Variants in DMXL1 observed in about 807,000 individuals in gnomAD.
DMXL1 encodes the protein dmX-like protein 1.
In DMXL1, 99 loss-of-function variants were observed where a neutral mutation model predicts 319.2. The ratio of observed to expected loss-of-function variants is 0.31; its 90% CI spans 0.26 to 0.37. The LOEUF (loss-of-function observed/expected upper bound fraction) is 0.37, where lower values mean the gene tolerates loss of function less well. DMXL1 is among the 10% of genes least tolerant of loss of function. The pLI is 1.00. For missense variants in DMXL1, 3,745 were observed against 3,595.6 expected (o/e 1.04, Z -1.06); for synonymous variants, 1,385 against 1,235.2 (o/e 1.12, Z -2.54).
intron 1 of DMXL1, among the ~76,000 whole-genome samples, chr5:119,089,885 C>G (rs181234025): frequency 6.6e-6 from 1 of 151,652 alleles, no homozygotes; most frequent in African/African-American, 2.4e-5. Flanking sequence ...CTTGGCCTCC[C>G]GAAGTGCTGG....
chr5:119,141,111 A>T (rs1167924278), intron 13 of DMXL1, among the ~76,000 whole-genome samples: 1 of 152,210 alleles, frequency 6.6e-6, no homozygotes, highest in Non-Finnish European at 1.5e-5. Flanking sequence ...ACCTCAGAAT[A>T]ATAAGAGCTA....
At chr5:119,132,572 T>C in intron 10 of DMXL1, 2 of 268,222 alleles carry the variant, frequency 7.5e-6, no homozygotes, top group Non-Finnish European at 1.5e-5. Flanking sequence ...CCCAGCTACT[T>C]GGGAGGCTGA....
intron 1 of DMXL1, 38 bp downstream of exon 1, chr5:119,071,694 C>T: frequency 6.5e-7 from 1 of 1,542,686 alleles, no homozygotes; most frequent in South Asian, 1.2e-5. Flanking sequence ...CGTGGCCCGG[C>T]CTTTGCCCGT....
chr5:119,122,149 C>T (rs1441162664), intron 9 of DMXL1, among the ~76,000 whole-genome samples: 1 of 138,110 alleles, frequency 7.2e-6, no homozygotes, highest in Admixed American at 7.0e-5. Context: ...GACCCCCCCA[C>T]CTCCCTCCCA....
In DMXL1 at chr5:119,171,055, C is replaced by T. The variant is rs1170726826; in HGVS notation, c.6264C>T (p.Gly2088=). The T allele has an allele frequency of 6.2e-7, 1 of 1,613,572 alleles. No homozygotes were observed. Among genetic ancestry groups the T allele is most frequent in the East Asian group, 2.2e-5 (1 of 44,870 alleles). ...SDAEELQSAF[G]RNEDEFGLNE... ...CTGAAGAACTACAGTCTGCATTTGG[C>T]AGAAATGAAGATGAATTTGGATTAA... The change falls in exon 24 of 44, where the codon GGC becomes GGT. Residue 2088 remains glycine (G), a synonymous_variant. Transcript: ENST00000539542.
At chr5:119,136,991 C>T (rs1484908228) in intron 13 of DMXL1, among the ~76,000 whole-genome samples, 3 of 152,152 alleles carry the variant, frequency 2.0e-5, no homozygotes, top group African/African-American at 7.2e-5. Flanking sequence ...CTCCAGACCC[C>T]AAAAAGGTAG....
At chr5:119,100,031 A>G (rs997182444) in intron 2 of DMXL1, among the ~76,000 whole-genome samples, 4 of 152,078 alleles carry the variant, frequency 2.6e-5, no homozygotes, top group African/African-American at 9.7e-5. Context: ...GGAATTAAGA[A>G]GTCATTTGGT....
At position 119,084,820 on chromosome 5, in the gene DMXL1, C is replaced by T. The variant is rs374883967; in HGVS notation, c.88-13159C>T. ...TGGAGGTTGTGGTGAGCCAAGATCA[C>T]GCCATTGCACTCCACCCTGGGCAAC... On this transcript the variant is annotated intron_variant, in intron 1 of 43. Transcript: ENST00000539542. 2.7e-4 allele frequency among the ~76,000 whole-genome samples: 40 copies of T among 149,964 alleles called. 1 individual carries two copies. Among genetic ancestry groups the T allele is most frequent in the African/African-American group, 8.9e-4 (36 of 40,628 alleles).
At chr5:119,147,217 TC>T in intron 16 of DMXL1, 31 bp from the exon 17 acceptor site, 1 of 1,575,442 alleles carries the variant, frequency 6.3e-7, no homozygotes, top group Non-Finnish European at 8.7e-7. Context: ...TTCCCCTGCC[TC>T]AGTTTTTGGT....
At position 119,106,039 on chromosome 5, in the gene DMXL1, C is replaced by G. The variant is rs899444683; in HGVS notation, c.364+781C>G. The stretch of plus-strand genomic sequence containing the variant: ...TATGATTCTTTTGGTCAGGAAGACT[C>G]TGTGGGAATGGCTTGTCTATTGTTC... On this transcript the variant is annotated intron_variant, in intron 4 of 43. Transcript: ENST00000539542. Among the ~76,000 whole-genome samples, 3 of 152,114 alleles carry G rather than the reference C, an allele frequency of 2.0e-5. No individual in the cohort carries two copies. The East Asian group carries it at 5.8e-4, about 29-fold the overall frequency.
At chr5:119,185,394 T>C (rs1445311642) in intron 28 of DMXL1, among the ~76,000 whole-genome samples, 1 of 152,170 alleles carries the variant, frequency 6.6e-6, no homozygotes, top group Non-Finnish European at 1.5e-5. Context: ...TTTTTATAGA[T>C]ATTTATGGAG....
At chr5:119,120,424 A>G (rs991248710) in intron 8 of DMXL1, among the ~76,000 whole-genome samples, 8 of 152,250 alleles carry the variant, frequency 5.3e-5, no homozygotes, top group African/African-American at 1.4e-4. Context: ...TCTTAGCTAG[A>G]TGATCTTGGG....
rs1769160266 is a variant in DMXL1, at chr5:119,148,871, G to C, written c.3044G>C (p.Gly1015Ala). 6.2e-7 allele frequency: 1 copy of C among 1,613,654 alleles called. No individual in the cohort carries two copies. The highest frequency in any genetic ancestry group is 1.3e-5 in the African/African-American group (1 of 74,894). ...TDGESATSKNGKIDLAYIWEE... is the reference protein window; with the variant it reads ...TDGESATSKNAKIDLAYIWEE... Reference sequence around the variant, plus strand: ...GGAGAATCTGCCACGTCAAAGAATGGAAAAATTGATCTTGCATACATTTGG... The same window carrying C: ...GGAGAATCTGCCACGTCAAAGAATGCAAAAATTGATCTTGCATACATTTGG... The change falls in exon 18 of 44, where the codon GGA becomes GCA. Residue 1015 changes from glycine (G) to alanine (A), a missense_variant. Physicochemically the swap from Gly to Ala is moderately conservative, Grantham distance 60. This residue lies in a region of DMXL1 where 2,096 missense variants were observed against 1,985.4 expected (regional missense o/e 1.06). Coordinates refer to ENST00000539542, the MANE Select transcript of DMXL1 (RefSeq NM_001290321.3).
chr5:119,216,226 C>T (rs1475803660), intron 34 of DMXL1, among the ~76,000 whole-genome samples: 1 of 145,286 alleles, frequency 6.9e-6, no homozygotes, highest in Non-Finnish European at 1.5e-5. Context: ...ATATAGTATT[C>T]TTTTCTAAGT....
At chr5:119,134,598 C>T (rs1765595015) in intron 13 of DMXL1, among the ~76,000 whole-genome samples, 1 of 152,140 alleles carries the variant, frequency 6.6e-6, no homozygotes, top group Non-Finnish European at 1.5e-5. Context: ...AAAGTAGAGT[C>T]TCATCTCCTG....
intron 1 of DMXL1, among the ~76,000 whole-genome samples, chr5:119,078,986 CCA>C (rs1751601455): frequency 6.6e-6 from 1 of 152,114 alleles, no homozygotes; most frequent in Admixed American, 6.5e-5. Context: ...TGATGAAATT[CCA>C]CACACTTGAT....
At chr5:119,237,686 C>G (rs776952271) in intron 40 of DMXL1, among the ~76,000 whole-genome samples, 3 of 151,940 alleles carry the variant, frequency 2.0e-5, no homozygotes, top group Non-Finnish European at 2.9e-5. Context: ...TACTAGAGCC[C>G]TTTTCTAACC....
At position 119,189,905 on chromosome 5, in the gene DMXL1, A is replaced by G. The variant is rs1173869457; in HGVS notation, c.7314+19A>G. On this transcript the variant is annotated intron_variant, in intron 29 of 43. Transcript: ENST00000539542. ...AGCTAAGGTAATTAAAATGCTATCT[A>G]GATCAATATTTTCATAGTCAAATAG... 2 of 1,589,016 alleles carry G rather than the reference A, an allele frequency of 1.3e-6. No individual in the cohort carries two copies. Among genetic ancestry groups the G allele is most frequent in the African/African-American group, 1.3e-5 (1 of 74,188 alleles).
At chr5:119,186,177 T>C (rs1777678443) in intron 28 of DMXL1, among the ~76,000 whole-genome samples, 1 of 152,248 alleles carries the variant, frequency 6.6e-6, no homozygotes. Context: ...TCGTGTATAC[T>C]CTGGCACACT....
Sources: gnomAD v4.1 joint callset for allele counts (sites outside exome capture counted in the v4.1 genomes callset) on GRCh38, gnomAD v4.1.1 for gene constraint, gnomAD v4.1.1 regional missense constraint, MANE v1.5 for transcripts, NCBI Gene and HGNC (gene_info 2026-07-23, HGNC 2026-07-21) for gene names.